Variants in PCOLCE2 observed in about 807,000 individuals in gnomAD.
PCOLCE2 encodes the protein procollagen C-proteinase enhancer 2.
Under a neutral mutation model 47.0 loss-of-function variants are expected in PCOLCE2, and 42 were observed. The ratio of observed to expected loss-of-function variants is 0.89; its 90% CI spans 0.70 to 1.16. PCOLCE2 has a LOEUF of 1.16. PCOLCE2 is among the 50% of genes most tolerant of loss of function. The pLI, the probability that PCOLCE2 is intolerant of heterozygous loss-of-function variation, is 0.00. For missense variants in PCOLCE2, 500 were observed against 526.1 expected (o/e 0.95, Z 0.49); for synonymous variants, 169 against 191.7 (o/e 0.88, Z 0.98).
intron 2 of PCOLCE2, among the ~76,000 whole-genome samples, chr3:142,849,195 C>T (rs767487872): frequency 3.3e-5 from 5 of 152,054 alleles, no homozygotes; most frequent in Non-Finnish European, 5.9e-5. Context: ...CAGTAGGACG[C>T]ATTCAATGCC....
intron 6 of PCOLCE2, among the ~76,000 whole-genome samples, chr3:142,825,891 G>C (rs1282200653): frequency 6.6e-6 from 1 of 152,118 alleles, no homozygotes; most frequent in African/African-American, 2.4e-5. Context: ...TCAGCAGAGT[G>C]ACAGGCTGGA....
chr3:142,854,321 C>T (rs6440114), intron 2 of PCOLCE2, among the ~76,000 whole-genome samples: 91,320 of 151,980 alleles, frequency 0.6, 27,924 homozygotes, highest in Non-Finnish European at 0.66. Context: ...ACGTAAAGCT[C>T]GAGGCACAGT....
intron 2 of PCOLCE2, among the ~76,000 whole-genome samples, chr3:142,879,051 G>T (rs1426347499): frequency 6.6e-6 from 1 of 152,072 alleles, no homozygotes; most frequent in East Asian, 1.9e-4. Context: ...TCTGGAGGTG[G>T]TCAAGGGATA....
intron 5 of PCOLCE2, among the ~76,000 whole-genome samples, chr3:142,832,296 T>G (rs142138405): frequency 0.014 from 2,182 of 152,048 alleles, 54 homozygotes; most frequent in African/African-American, 0.047. Flanking sequence ...AGGACGGGGG[T>G]TCTAGAGCCT....
At chr3:142,844,418 A>C (rs1404912685) in intron 3 of PCOLCE2, among the ~76,000 whole-genome samples, 1 of 152,170 alleles carries the variant, frequency 6.6e-6, no homozygotes, top group African/African-American at 2.4e-5. Flanking sequence ...CTCTTATATA[A>C]ATACCCAGGA....
chr3:142,844,861 GT>G (rs541193822), intron 3 of PCOLCE2, among the ~76,000 whole-genome samples: 188 of 152,250 alleles, frequency 1.2e-3, no homozygotes, highest in African/African-American at 4.2e-3. Flanking sequence ...TTGTAACCAT[GT>G]CTTTTTATAA....
At chr3:142,834,928 C>T (rs1298393687) in intron 5 of PCOLCE2, among the ~76,000 whole-genome samples, 1 of 152,098 alleles carries the variant, frequency 6.6e-6, no homozygotes. Flanking sequence ...CAGAACTTTT[C>T]CTTCCTTGAC....
intron 7 of PCOLCE2, among the ~76,000 whole-genome samples, chr3:142,823,157 C>A (rs915911430): frequency 6.6e-6 from 1 of 152,014 alleles, no homozygotes; most frequent in Non-Finnish European, 1.5e-5. Flanking sequence ...TGAATATAAG[C>A]TCGGGTATGT....
chr3:142,873,255 T>G (rs1035892786), intron 2 of PCOLCE2, among the ~76,000 whole-genome samples: 3 of 151,858 alleles, frequency 2.0e-5, no homozygotes, highest in African/African-American at 7.3e-5. Flanking sequence ...TAGCCAAGTG[T>G]GGTGGCAGGT....
intron 6 of PCOLCE2, among the ~76,000 whole-genome samples, chr3:142,828,427 A>G (rs555208927): frequency 6.6e-5 from 10 of 152,336 alleles, no homozygotes; most frequent in Admixed American, 3.9e-4. Context: ...AAGTGCTCAC[A>G]GTGGCTGCCA....
intron 2 of PCOLCE2, among the ~76,000 whole-genome samples, chr3:142,880,530 A>C (rs776261492): frequency 6.6e-6 from 1 of 152,220 alleles, no homozygotes; most frequent in Non-Finnish European, 1.5e-5. Flanking sequence ...CTATGTCTCA[A>C]TTTTCACAAA....
chr3:142,867,416 T>C (rs1356659739), intron 2 of PCOLCE2, among the ~76,000 whole-genome samples: 11 of 152,222 alleles, frequency 7.2e-5, no homozygotes, highest in Admixed American at 7.2e-4. Flanking sequence ...TCAAGTGTTT[T>C]AATTTCTGCT....
intron 5 of PCOLCE2, among the ~76,000 whole-genome samples, chr3:142,831,809 T>C (rs1034157450): frequency 9.2e-5 from 14 of 152,236 alleles, no homozygotes; most frequent in African/African-American, 3.4e-4. Flanking sequence ...GCCTTTTCTA[T>C]GAATTAACCT....
At chr3:142,865,259 T>C (rs1193099248) in intron 2 of PCOLCE2, among the ~76,000 whole-genome samples, 8 of 152,166 alleles carry the variant, frequency 5.3e-5, no homozygotes, top group Admixed American at 4.6e-4. Flanking sequence ...CATCTCTTCA[T>C]GTGCTTATTG....
At chr3:142,863,953 T>G (rs867827364) in intron 2 of PCOLCE2, 2 of 151,982 alleles carry the variant, frequency 1.3e-5, no homozygotes, top group Non-Finnish European at 2.9e-5. Flanking sequence ...TTTGCTCAGA[T>G]GGTGTGGCAT....
chr3:142,881,346 A>T (rs1346078147), intron 2 of PCOLCE2, among the ~76,000 whole-genome samples: 1 of 152,238 alleles, frequency 6.6e-6, no homozygotes, highest in Non-Finnish European at 1.5e-5. Context: ...CCCCAACCCC[A>T]GAGAATCAGA....
At position 142,848,357 on chromosome 3, in the gene PCOLCE2, A is replaced by G. The variant is rs369893796; in HGVS notation, c.308T>C (p.Ile103Thr). The G allele has an allele frequency of 1.9e-6, 3 of 1,614,120 alleles. No homozygotes were observed. Among genetic ancestry groups the G allele is most frequent in the African/African-American group, 2.7e-5 (2 of 74,954 alleles). Residue 103 changes from isoleucine to threonine, a missense_variant, in exon 3 of 9, where the codon ATT becomes ACT. Physicochemically the swap from Ile to Thr is moderately conservative, Grantham distance 89 (BLOSUM62 -1). Transcript: ENST00000295992. Reference protein sequence around the residue: ...VYNGHANGQRIGRFCGTFRPG... With the variant: ...VYNGHANGQRTGRFCGTFRPG... ...CCGGAAAGTGCCACAGAAGCGGCCA[A>G]TGCGCTGGCCATTGGCATGGCCATT...
chr3:142,818,596 G>A (rs774859789), intron 8 of PCOLCE2, 131 bp from the exon 9 acceptor site: 5 of 727,102 alleles, frequency 6.9e-6, no homozygotes, highest in Middle Eastern at 3.4e-4. Context: ...TTCCATCCAC[G>A]ATAAAATCTG....
intron 5 of PCOLCE2, 97 bp from the exon 6 acceptor site, chr3:142,829,943 G>C: frequency 1.6e-6 from 1 of 621,488 alleles, no homozygotes; most frequent in Non-Finnish European, 2.7e-6. Context: ...TCCGACAATA[G>C]ATTACCAGTT....
Sources: allele counts gnomAD v4.1 joint callset (sites outside exome capture counted in the v4.1 genomes callset), GRCh38; gene constraint gnomAD v4.1.1; transcripts MANE v1.5; gene names NCBI Gene and HGNC (gene_info 2026-07-23, HGNC 2026-07-21).